CDH18: variants seen among roughly 807,000 people sequenced by gnomAD.
The protein encoded by CDH18 is cadherin-18.
In CDH18, 31 loss-of-function variants were observed where a neutral mutation model predicts 67.9. The observed-to-expected ratio is 0.46, with a 90% confidence interval of 0.34 to 0.62. CDH18 has a LOEUF of 0.62. Among genes scored for constraint, CDH18 ranks in the 20% least tolerant of loss-of-function variants. The pLI, the probability that CDH18 is intolerant of heterozygous loss-of-function variation, is 0.01. For missense variants in CDH18, 890 were observed against 975.5 expected (o/e 0.91, Z 1.17); for synonymous variants, 362 against 347.2 (o/e 1.04, Z -0.48).
intron 3 of CDH18, among the ~76,000 whole-genome samples, chr5:19,754,839 G>A (rs886919892): frequency 2.6e-5 from 4 of 152,140 alleles, no homozygotes; most frequent in Admixed American, 2.6e-4. Flanking sequence ...GAATAAAACT[G>A]GAAATCAACT....
chr5:19,519,131 A>C (rs1171942548), intron 10 of CDH18, among the ~76,000 whole-genome samples: 2 of 152,110 alleles, frequency 1.3e-5, no homozygotes, highest in Non-Finnish European at 2.9e-5. Flanking sequence ...TCTGATTGTG[A>C]GTGTAGCCCA....
intron 1 of CDH18, among the ~76,000 whole-genome samples, chr5:20,553,861 A>T (rs1319840585): frequency 6.6e-6 from 1 of 152,154 alleles, no homozygotes; most frequent in Non-Finnish European, 1.5e-5. Flanking sequence ...ACAAAAAAAA[A>T]TCCGGATCGG....
intron 2 of CDH18, among the ~76,000 whole-genome samples, chr5:19,930,027 T>G (rs1793505391): frequency 6.6e-6 from 1 of 152,066 alleles, no homozygotes; most frequent in Non-Finnish European, 1.5e-5. Flanking sequence ...GAATGGCAGC[T>G]AACACCCATT....
At chr5:19,846,527 T>G (rs758176937) in intron 2 of CDH18, among the ~76,000 whole-genome samples, 7 of 152,130 alleles carry the variant, frequency 4.6e-5, no homozygotes, top group Non-Finnish European at 8.8e-5. Context: ...TTTTTAACTA[T>G]AAAGTTCTAT....
intron 2 of CDH18, among the ~76,000 whole-genome samples, chr5:20,230,371 CA>C (rs1358591138): frequency 1.3e-5 from 2 of 152,154 alleles, no homozygotes; most frequent in East Asian, 1.9e-4. Context: ...AATGTATTCT[CA>C]AAATCAAATT....
At chr5:20,296,240 G>T (rs1321773644) in intron 1 of CDH18, among the ~76,000 whole-genome samples, 9 of 145,888 alleles carry the variant, frequency 6.2e-5, no homozygotes, top group Admixed American at 2.7e-4. Context: ...GTTTTTTTTT[G>T]TTTGTTTGTT....
At chr5:19,681,948 T>C (rs1308627006) in intron 5 of CDH18, among the ~76,000 whole-genome samples, 5 of 152,020 alleles carry the variant, frequency 3.3e-5, no homozygotes, top group African/African-American at 7.2e-5. Flanking sequence ...GCTCTTATAC[T>C]CAATACCACA....
At chr5:20,395,987 C>T (rs543412046) in intron 1 of CDH18, among the ~76,000 whole-genome samples, 31 of 152,258 alleles carry the variant, frequency 2.0e-4, no homozygotes, top group Non-Finnish European at 3.1e-4. Context: ...TTCATCTTGG[C>T]GTTCACCTGT....
chr5:19,723,288 A>G (rs562456630), intron 4 of CDH18, among the ~76,000 whole-genome samples: 1 of 152,234 alleles, frequency 6.6e-6, no homozygotes, highest in African/African-American at 2.4e-5. Flanking sequence ...AAAGAAAGAA[A>G]ATTTGTACTT....
intron 1 of CDH18, among the ~76,000 whole-genome samples, chr5:20,471,264 T>C (rs1163408493): frequency 1.3e-5 from 2 of 152,114 alleles, no homozygotes; most frequent in African/African-American, 2.4e-5. Context: ...TTGTTCATTC[T>C]CTCCTCATCA....
intron 1 of CDH18, among the ~76,000 whole-genome samples, chr5:20,376,155 G>A (rs771619470): frequency 2.3e-4 from 28 of 123,796 alleles, no homozygotes; most frequent in Middle Eastern, 6.9e-3. Context: ...GTGCGGTGGC[G>A]CGATCTCGGC....
At chr5:19,560,825 A>T (rs1361696785) in intron 8 of CDH18, among the ~76,000 whole-genome samples, 2 of 152,096 alleles carry the variant, frequency 1.3e-5, no homozygotes, top group Admixed American at 6.6e-5. Context: ...AGAAAAAAAA[A>T]TCCCATCAAA....
At chr5:20,396,390 T>A in intron 1 of CDH18, among the ~76,000 whole-genome samples, 1 of 120,486 alleles carries the variant, frequency 8.3e-6, no homozygotes. Flanking sequence ...ATGTGTTGTT[T>A]CACTTTTGTT....
intron 11 of CDH18, among the ~76,000 whole-genome samples, chr5:19,494,598 C>T (rs998118384): frequency 1.8e-4 from 27 of 152,160 alleles, no homozygotes; most frequent in African/African-American, 6.5e-4. Flanking sequence ...AAAAGTCTCA[C>T]TTAGATATAT....
chr5:20,058,608 T>A (rs1742198308), intron 2 of CDH18, among the ~76,000 whole-genome samples: 1 of 152,152 alleles, frequency 6.6e-6, no homozygotes, highest in African/African-American at 2.4e-5. Context: ...TTTCCGAGCC[T>A]AGCCAAAGAA....
chr5:19,613,529 A>G (rs913273363), intron 5 of CDH18, among the ~76,000 whole-genome samples: 2 of 152,216 alleles, frequency 1.3e-5, no homozygotes, highest in East Asian at 3.9e-4. Context: ...ATCATCTGTA[A>G]AAAATCACAT....
chr5:20,327,828 G>A (rs60538566), intron 1 of CDH18, among the ~76,000 whole-genome samples: 3,129 of 151,934 alleles, frequency 0.021, 76 homozygotes, highest in African/African-American at 0.053. Context: ...ACTAGAGGCC[G>A]GGAGTTCAAG....
At chr5:19,737,017 A>G (rs901911900) in intron 4 of CDH18, among the ~76,000 whole-genome samples, 1 of 152,216 alleles carries the variant, frequency 6.6e-6, no homozygotes, top group African/African-American at 2.4e-5. Flanking sequence ...TCAAGGACTG[A>G]TCAATGAAAA....
intron 12 of CDH18, among the ~76,000 whole-genome samples, chr5:19,475,235 G>A (rs946340964): frequency 1.4e-5 from 2 of 144,140 alleles, no homozygotes; most frequent in African/African-American, 5.1e-5. Flanking sequence ...TCAACCTACA[G>A]TAAGCTTACA....
Sources: allele counts gnomAD v4.1 joint callset (sites outside exome capture counted in the v4.1 genomes callset), GRCh38; gene constraint gnomAD v4.1.1; transcripts MANE v1.5; gene names NCBI Gene and HGNC (gene_info 2026-07-23, HGNC 2026-07-21).